The following PAM variants were observed in gnomAD, a reference collection of about 807,000 sequenced individuals.
PAM encodes the protein peptidyl-glycine alpha-amidating monooxygenase.
In PAM, 72 loss-of-function variants were observed where a neutral mutation model predicts 122.1. The ratio of observed to expected loss-of-function variants is 0.59; its 90% confidence interval spans 0.49 to 0.72. The LOEUF (loss-of-function observed/expected upper bound fraction) is 0.72, where lower values mean the gene tolerates loss of function less well. Among genes scored for constraint, PAM ranks in the 30% least tolerant of loss-of-function variants. The probability of loss-of-function intolerance (pLI) is 0.00; values close to 1 mark genes in which losing one functional copy is unlikely to be tolerated. For missense variants in PAM, 1,106 were observed against 1,183.7 expected (o/e 0.93, Z 0.96); for synonymous variants, 389 against 404.4 (o/e 0.96, Z 0.46).
At chr5:102,832,068 T>C (rs910798658) in intron 1 of PAM, among the ~76,000 whole-genome samples, 1 of 152,108 alleles carries the variant, frequency 6.6e-6, no homozygotes, top group African/African-American at 2.4e-5. Flanking sequence ...TACTGTGCAG[T>C]GGTTCTTCAG....
intron 3 of PAM, among the ~76,000 whole-genome samples, chr5:102,885,007 G>A (rs987202525): frequency 4.6e-5 from 7 of 151,616 alleles, no homozygotes; most frequent in African/African-American, 1.7e-4. Context: ...TGATGTTTCT[G>A]AGAGATTGGA....
At chr5:102,769,456 T>A (rs1427739845) in intron 1 of PAM, among the ~76,000 whole-genome samples, 1 of 152,120 alleles carries the variant, frequency 6.6e-6, no homozygotes, top group Non-Finnish European at 1.5e-5. Context: ...GTTTTCCCAA[T>A]GTTTTCTTGT....
intron 19 of PAM, among the ~76,000 whole-genome samples, 196 bp from the exon 20 acceptor site, chr5:103,007,261 C>A (rs1779310128): frequency 1.3e-5 from 2 of 150,730 alleles, no homozygotes; most frequent in South Asian, 4.2e-4. Context: ...AAACAACTAT[C>A]CAAATAGGGA....
chr5:103,008,484 G>A (rs765502636), intron 20 of PAM, among the ~76,000 whole-genome samples: 2 of 151,844 alleles, frequency 1.3e-5, no homozygotes, highest in Non-Finnish European at 2.9e-5. Context: ...GATCAATAAC[G>A]AGGAATTTTT....
chr5:102,896,543 A>G (rs1348437935), intron 3 of PAM, among the ~76,000 whole-genome samples: 1 of 151,660 alleles, frequency 6.6e-6, no homozygotes, highest in Non-Finnish European at 1.5e-5. Flanking sequence ...CTAGACAGAC[A>G]CTGTTACAAG....
Position 103,025,194 on chromosome 5 carries a change from T to C in PAM, c.2549T>C (p.Met850Thr). ...NKPTSSELQK[M>T]QEKQKLIKEP... ...CCCACCTCCTCAGAATTGCAGAAGA[T>C]GCAAGAGAAACAGAAACTGATCAAA... Residue 850 changes from methionine (M) to threonine (T), a missense_variant, in exon 24 of 26, where the codon ATG becomes ACG. Physicochemically the swap from Met to Thr is moderately conservative, Grantham distance 81 (BLOSUM62 -1). This residue lies in a region of PAM where 333 missense variants were observed against 335.6 expected (regional missense o/e 0.99). Coordinates refer to ENST00000438793, the MANE Select transcript of PAM (RefSeq NM_001177306.2). 1 of 1,613,728 alleles carries C rather than the reference T, an allele frequency of 6.2e-7. No individual in the cohort carries two copies. The highest frequency in any genetic ancestry group is 8.5e-7 in the Non-Finnish European group (1 of 1,179,710).
At chr5:102,897,441 C>T (rs1045576371) in intron 3 of PAM, among the ~76,000 whole-genome samples, 3 of 151,610 alleles carry the variant, frequency 2.0e-5, no homozygotes, top group Non-Finnish European at 4.4e-5. Context: ...TATTCATATA[C>T]ATGGTGAAAT....
At chr5:102,765,752 G>A in intron 1 of PAM, among the ~76,000 whole-genome samples, 1 of 152,064 alleles carries the variant, frequency 6.6e-6, no homozygotes, top group Non-Finnish European at 1.5e-5. Flanking sequence ...GATGTTCCTT[G>A]GCCTATACAT....
intron 1 of PAM, among the ~76,000 whole-genome samples, chr5:102,778,533 A>AC (rs1371502605): frequency 6.6e-6 from 1 of 152,042 alleles, no homozygotes; most frequent in Non-Finnish European, 1.5e-5. Flanking sequence ...TAAAAACTAG[A>AC]CCCCATATGA....
At chr5:102,867,139 C>G (rs1785847614) in intron 2 of PAM, 134 bp from the exon 3 acceptor site, 1 of 556,992 alleles carries the variant, frequency 1.8e-6, no homozygotes, top group African/African-American at 1.9e-5. Context: ...ATTGTGTAGT[C>G]ATCACATCTT....
intron 3 of PAM, among the ~76,000 whole-genome samples, chr5:102,890,771 G>A (rs1794572859): frequency 6.6e-6 from 1 of 151,818 alleles, no homozygotes; most frequent in South Asian, 2.1e-4. Flanking sequence ...GGAGGTTTAG[G>A]GAAGAATACA....
intron 21 of PAM, among the ~76,000 whole-genome samples, chr5:103,014,931 G>A (rs574918827): frequency 2.9e-4 from 44 of 151,998 alleles, no homozygotes; most frequent in South Asian, 1.2e-3. Flanking sequence ...ATTTTTTGTC[G>A]TCTTCTGTGT....
chr5:102,784,238 C>T (rs1027098591), intron 1 of PAM, among the ~76,000 whole-genome samples: 3 of 152,188 alleles, frequency 2.0e-5, no homozygotes, highest in Non-Finnish European at 2.9e-5. Context: ...TGCTCCTCTT[C>T]TCCCTGTGTA....
chr5:102,946,692 T>G, intron 7 of PAM, 145 bp from the exon 8 acceptor site: 1 of 620,224 alleles, frequency 1.6e-6, no homozygotes, highest in South Asian at 1.9e-5. Context: ...GATATGAAAG[T>G]ACTTAGTAAA....
chr5:102,982,060 CATT>C (rs1038420165), intron 15 of PAM, among the ~76,000 whole-genome samples: 4 of 152,100 alleles, frequency 2.6e-5, no homozygotes, highest in East Asian at 1.9e-4. Flanking sequence ...CTGCCCACAT[CATT>C]GAGGCCTGGG....
rs527661877 is a variant in PAM at position 102,821,137 on chromosome 5, A to G, written c.-373-44686A>G. Among the ~76,000 whole-genome samples the G allele has an allele frequency of 2.0e-5, 3 of 152,328 alleles. No homozygotes were observed. The East Asian group carries it at 5.8e-4, about 29-fold the overall frequency. Reference sequence around the variant, plus strand: ...TTTGTTTGACTATATCATCACCTCTATTCAAGCTTGGAATTTTTCAAGGTA... The same window carrying G: ...TTTGTTTGACTATATCATCACCTCTGTTCAAGCTTGGAATTTTTCAAGGTA... On this transcript the variant is annotated intron_variant, in intron 1 of 25. Coordinates refer to ENST00000438793, the MANE Select transcript of PAM (RefSeq NM_001177306.2).
intron 1 of PAM, among the ~76,000 whole-genome samples, chr5:102,807,612 C>A (rs1038583392): frequency 2.0e-5 from 3 of 152,086 alleles, no homozygotes; most frequent in African/African-American, 7.2e-5. Flanking sequence ...GGGCAGCTGC[C>A]ACCTCATGGA....
intron 23 of PAM, 88 bp from the exon 24 acceptor site, chr5:103,025,043 A>T (rs17296280): frequency 8.3e-6 from 7 of 844,234 alleles, no homozygotes; most frequent in African/African-American, 6.7e-5. Context: ...CTTTGTGAAC[A>T]GTTATTGATT....
chr5:102,880,262 C>A (rs962507364), intron 3 of PAM, among the ~76,000 whole-genome samples: 28 of 151,012 alleles, frequency 1.9e-4, no homozygotes, highest in Admixed American at 1.8e-3. Context: ...GCCTGGGCAA[C>A]TGAGTGAGAA....
Sources: gnomAD v4.1 joint callset for allele counts (sites outside exome capture counted in the v4.1 genomes callset) on GRCh38, gnomAD v4.1.1 for gene constraint, gnomAD v4.1.1 regional missense constraint, MANE v1.5 for transcripts, NCBI Gene and HGNC (gene_info 2026-07-23, HGNC 2026-07-21) for gene names.